MMP26: variants seen among roughly 807,000 people sequenced by gnomAD.
MMP26 encodes the protein matrix metalloproteinase-26.
In MMP26, 33 loss-of-function variants were observed where a neutral mutation model predicts 31.0. The observed-to-expected ratio is 1.06, with a 90% CI of 0.81 to 1.42. The LOEUF (loss-of-function observed/expected upper bound fraction) is 1.42. Ranked by LOEUF, MMP26 falls within the 40% of genes most tolerant of loss-of-function variation. The pLI is 0.00. For missense variants in MMP26, 347 were observed against 316.1 expected (o/e 1.10, Z -0.74); for synonymous variants, 122 against 114.9 (o/e 1.06, Z -0.40).
intron 2 of MMP26, among the ~76,000 whole-genome samples, chr11:4,962,250 A>C (rs1354334057): frequency 6.6e-6 from 1 of 152,146 alleles, no homozygotes; most frequent in Non-Finnish European, 1.5e-5. Flanking sequence ...ACACTAAAAT[A>C]CACTGAATGA....
intron 2 of MMP26, among the ~76,000 whole-genome samples, chr11:4,804,967 CAAAA>C (rs372949891): frequency 0.27 from 30,150 of 111,706 alleles, 3,346 homozygotes; most frequent in Middle Eastern, 0.35. Context: ...GAAACCGCCT[CAAAA>C]AAAAAAAAAA....
intron 2 of MMP26, among the ~76,000 whole-genome samples, chr11:4,842,013 T>C (rs1365837253): frequency 6.6e-6 from 1 of 152,208 alleles, no homozygotes; most frequent in East Asian, 1.9e-4. Flanking sequence ...ACAAAAGTCA[T>C]TGGCAATAGT....
chr11:4,915,025 A>G (rs775684792), intron 2 of MMP26: 23 of 1,614,056 alleles, frequency 1.4e-5, no homozygotes, highest in Non-Finnish European at 1.9e-5. Context: ...GTGAGTCTAT[A>G]CCCACTGTAG....
At position 4,794,467 on chromosome 11, in the gene MMP26, A is replaced by G. The variant is rs149926265; in HGVS notation, c.-145+27126A>G. 2.4e-4 allele frequency among the ~76,000 whole-genome samples: 37 copies of G among 152,164 alleles called. No individual in the cohort carries two copies. In the East Asian group the frequency reaches 5.2e-3, roughly 21 times the overall value. ...ATAGGTTGAGTACTATGAGGTTGCA[A>G]TCTTCCTGGATGTTGCATATATTTC... is the stretch of plus-strand genomic sequence containing the variant. On this transcript the variant is annotated intron_variant, in intron 2 of 7. Transcript: ENST00000380390.
intron 1 of MMP26, among the ~76,000 whole-genome samples, chr11:4,762,828 A>C (rs1384800342): frequency 6.6e-6 from 1 of 152,210 alleles, no homozygotes. Context: ...TGTGTGTTAT[A>C]TAACCAGGAA....
intron 2 of MMP26, among the ~76,000 whole-genome samples, chr11:4,901,371 G>A (rs1850799774): frequency 6.6e-6 from 1 of 151,568 alleles, no homozygotes; most frequent in South Asian, 2.1e-4. Context: ...AGTGTTTGCC[G>A]GGATGGTCTC....
chr11:4,823,067 C>T (rs1826222721), intron 2 of MMP26, among the ~76,000 whole-genome samples: 1 of 151,930 alleles, frequency 6.6e-6, no homozygotes, highest in Non-Finnish European at 1.5e-5. Flanking sequence ...GTACTTTTGG[C>T]TCATATTTAT....
At chr11:4,709,708 T>A (rs565343387) in intron 1 of MMP26, 1 of 460,038 alleles carries the variant, frequency 2.2e-6, no homozygotes, top group African/African-American at 2.0e-5. Context: ...AATGGCATGA[T>A]CCTGTTTGTC....
At chr11:4,851,579 GA>G (rs1288271416) in intron 2 of MMP26, among the ~76,000 whole-genome samples, 4 of 151,812 alleles carry the variant, frequency 2.6e-5, no homozygotes, top group Non-Finnish European at 4.4e-5. Context: ...TGAATTGGAT[GA>G]AAAAATAATT....
chr11:4,979,610 C>G (rs1846785682), intron 2 of MMP26, among the ~76,000 whole-genome samples: 1 of 152,050 alleles, frequency 6.6e-6, no homozygotes, highest in Admixed American at 6.6e-5. Flanking sequence ...AAGTTAATTC[C>G]AAAACAAATA....
At chr11:4,780,797 A>G (rs1848848251) in intron 2 of MMP26, among the ~76,000 whole-genome samples, 1 of 151,832 alleles carries the variant, frequency 6.6e-6, no homozygotes, top group African/African-American at 2.4e-5. Context: ...TAGAAATAAC[A>G]CAGATGGGAA....
rs768376296 is a variant in MMP26 at position 4,882,621 on chromosome 11, G to A, written c.-144-105447G>A. ...CGAAAGAAGCAACAAAAAGCTCTCA[G>A]CACTTGTGTCTGTCACATCTGTGCA... is the stretch of plus-strand genomic sequence containing the variant. On this transcript the variant is annotated intron_variant, in intron 2 of 7. Transcript: ENST00000380390. 13 of 1,613,812 alleles carry A rather than the reference G, an allele frequency of 8.1e-6. No individual in the cohort carries two copies. Among genetic ancestry groups the A allele is most frequent in the Admixed American group, 3.3e-5 (2 of 59,944 alleles).
At chr11:4,857,357 G>T (rs1357182235) in intron 2 of MMP26, among the ~76,000 whole-genome samples, 1 of 151,598 alleles carries the variant, frequency 6.6e-6, no homozygotes, top group African/African-American at 2.4e-5. Flanking sequence ...AAAGAGAGAA[G>T]AATCAAATAG....
intron 2 of MMP26, among the ~76,000 whole-genome samples, chr11:4,785,050 A>G (rs1848917754): frequency 1.3e-5 from 2 of 152,154 alleles, no homozygotes; most frequent in African/African-American, 4.8e-5. Flanking sequence ...ACAGGTGTCA[A>G]TGTTGCTTGT....
At chr11:4,753,291 T>G (rs1402547691) in intron 1 of MMP26, among the ~76,000 whole-genome samples, 1 of 152,190 alleles carries the variant, frequency 6.6e-6, no homozygotes, top group East Asian at 1.9e-4. Context: ...AATAGAATCA[T>G]GTATTATATA....
At chr11:4,882,527 G>A in intron 2 of MMP26, 1 of 1,613,858 alleles carries the variant, frequency 6.2e-7, no homozygotes, top group South Asian at 1.1e-5. Context: ...CTACCTGAAT[G>A]GCACTGACGT....
At chr11:4,861,176 G>C (rs1360006182) in intron 2 of MMP26, among the ~76,000 whole-genome samples, 1 of 149,256 alleles carries the variant, frequency 6.7e-6, no homozygotes, top group Non-Finnish European at 1.5e-5. Context: ...AAGTATATAT[G>C]TATTTAGAAG....
rs984471297 is a variant in MMP26, at chr11:4,755,390, C to G, written c.-216-11880C>G. ...ATATCAGCCCACATTGAATACATCTCCATAGTCTATACTAAGGAATGTGGA... is the reference window on the plus strand; with the variant it reads ...ATATCAGCCCACATTGAATACATCTGCATAGTCTATACTAAGGAATGTGGA... On this transcript the variant is annotated intron_variant, in intron 1 of 7. Coordinates refer to ENST00000380390, the MANE Select transcript of MMP26 (RefSeq NM_021801.5). 2.0e-5 allele frequency among the ~76,000 whole-genome samples: 3 copies of G among 151,902 alleles called. No individual in the cohort carries two copies. The South Asian group carries it at 6.2e-4, about 31-fold the overall frequency.
intron 2 of MMP26, among the ~76,000 whole-genome samples, chr11:4,773,196 C>T (rs11606605): frequency 0.011 from 1,621 of 152,276 alleles, 19 homozygotes; most frequent in Middle Eastern, 0.034. Flanking sequence ...CATGTTTATC[C>T]TCTGCTGTTG....
Sources: gnomAD v4.1 joint callset for allele counts (sites outside exome capture counted in the v4.1 genomes callset) on GRCh38, gnomAD v4.1.1 for gene constraint, MANE v1.5 for transcripts, NCBI Gene and HGNC (gene_info 2026-07-23, HGNC 2026-07-21) for gene names.